Variants in TTC12 observed in about 807,000 individuals in gnomAD.
TTC12 encodes the protein tetratricopeptide repeat protein 12.
A neutral mutation model predicts 90.1 loss-of-function variants in TTC12; 70 were observed. The observed-to-expected ratio is 0.78, with a 90% CI of 0.64 to 0.95. The LOEUF is 0.95. TTC12 is among the 40% of genes least tolerant of loss of function. The pLI is 0.00. For synonymous variants in TTC12, 296 were observed against 311.5 expected (o/e 0.95, Z 0.53); for missense variants, 819 against 846.1 (o/e 0.97, Z 0.40).
chr11:113,321,794 A>T (rs953779970), intron 2 of TTC12, among the ~76,000 whole-genome samples: 8 of 152,180 alleles, frequency 5.3e-5, no homozygotes, highest in Non-Finnish European at 1.0e-4. Flanking sequence ...AGTAAGACAC[A>T]CTTACCCGGG....
downstream of TTC12, among the ~76,000 whole-genome samples, chr11:113,369,426 C>G (rs1950321436): frequency 6.7e-6 from 1 of 149,346 alleles, no homozygotes; most frequent in Non-Finnish European, 1.5e-5. Flanking sequence ...CGCCCCCCCA[C>G]CCCCCGTGCA....
Position 113,349,719 on chromosome 11 carries a change from A to G in TTC12, c.1155-354A>G, listed in dbSNP as rs115194441. Among the ~76,000 whole-genome samples the G allele has an allele frequency of 3.4e-3, 522 of 152,316 alleles. 4 individuals carry two copies. Among genetic ancestry groups the G allele is most frequent in the African/African-American group, 0.012 (488 of 41,576 alleles). Reference sequence around the variant, plus strand: ...GGGCCCTCCCACTTTAGTCATCAGCAGATTAGTAAGCATGCCATTTAGATG... The same window carrying G: ...GGGCCCTCCCACTTTAGTCATCAGCGGATTAGTAAGCATGCCATTTAGATG... On this transcript the variant is annotated intron_variant, in intron 13 of 21. Coordinates refer to ENST00000529221, the MANE Select transcript of TTC12 (RefSeq NM_017868.4).
chr11:113,331,056 T>C, intron 7 of TTC12, among the ~76,000 whole-genome samples: 1 of 152,148 alleles, frequency 6.6e-6, no homozygotes, highest in South Asian at 2.1e-4. Flanking sequence ...GAAACAGAGA[T>C]GAATGAGAAA....
At chr11:113,340,210 A>G (rs996052109) in intron 10 of TTC12, among the ~76,000 whole-genome samples, 1 of 152,234 alleles carries the variant, frequency 6.6e-6, no homozygotes, top group African/African-American at 2.4e-5. Flanking sequence ...GGAGTGTCTG[A>G]CTTCTCTTTA....
chr11:113,335,988 G>A (rs1948350683), intron 8 of TTC12, among the ~76,000 whole-genome samples: 1 of 152,048 alleles, frequency 6.6e-6, no homozygotes, highest in Non-Finnish European at 1.5e-5. Flanking sequence ...ACCTTTTGAG[G>A]AACTACCAAA....
intron 2 of TTC12, 133 bp downstream of exon 2, chr11:113,316,448 G>T: frequency 2.3e-6 from 1 of 431,394 alleles, no homozygotes. Flanking sequence ...TTAAAGAGAA[G>T]GGTATTGAGA....
chr11:113,319,904 G>A (rs1012436985), intron 2 of TTC12, among the ~76,000 whole-genome samples: 5 of 152,008 alleles, frequency 3.3e-5, no homozygotes, highest in African/African-American at 1.2e-4. Flanking sequence ...AACTCTAGGT[G>A]AATTACATAC....
At chr11:113,326,064 C>T (rs970597436) in intron 6 of TTC12, among the ~76,000 whole-genome samples, 4 of 152,146 alleles carry the variant, frequency 2.6e-5, no homozygotes, top group South Asian at 4.1e-4. Context: ...TAGCGGATGC[C>T]CACCTGTTAG....
At chr11:113,333,007 C>A (rs1948150127) in intron 7 of TTC12, among the ~76,000 whole-genome samples, 1 of 152,148 alleles carries the variant, frequency 6.6e-6, no homozygotes, top group Non-Finnish European at 1.5e-5. Flanking sequence ...CAGATATTAG[C>A]CCTTGTTCTA....
rs782753736 is a variant in TTC12 at position 113,344,446 on chromosome 11, C to T, written c.1154+6C>T. On this transcript the variant is annotated splice_donor_region_variant and intron_variant, in intron 13 of 21. Transcript: ENST00000529221. ...AACCACCTTGACCTGACCAGGTAAGCCTCTGCTGGCAGGATCTTCCTGGGA... is the reference window on the plus strand; with the variant it reads ...AACCACCTTGACCTGACCAGGTAAGTCTCTGCTGGCAGGATCTTCCTGGGA... 1.9e-6 allele frequency: 3 copies of T among 1,609,706 alleles called. No homozygotes were observed. Among genetic ancestry groups the T allele is most frequent in the Admixed American group, 3.4e-5 (2 of 59,646 alleles).
At chr11:113,346,815 A>G (rs1555148306) in intron 13 of TTC12, among the ~76,000 whole-genome samples, 1 of 152,116 alleles carries the variant, frequency 6.6e-6, no homozygotes, top group African/African-American at 2.4e-5. Flanking sequence ...TAAGGGCTCA[A>G]TAATATTTTT....
chr11:113,359,012 G>A (rs1348515050), intron 16 of TTC12, among the ~76,000 whole-genome samples: 2 of 151,808 alleles, frequency 1.3e-5, no homozygotes, highest in African/African-American at 4.8e-5. Flanking sequence ...GTCCCTCAGT[G>A]GGAGCTGTTC....
At chr11:113,368,168 ATTATG>A (rs1565637002), downstream of TTC12, 1 of 1,396,434 alleles carries the variant, frequency 7.2e-7, no homozygotes, top group Non-Finnish European at 9.4e-7. Flanking sequence ...AAATTACGTT[ATTATG>A]TTTATTGTTC....
At chr11:113,345,749 T>C (rs782426799) in intron 13 of TTC12, among the ~76,000 whole-genome samples, 6 of 152,208 alleles carry the variant, frequency 3.9e-5, no homozygotes, top group Admixed American at 6.5e-5. Context: ...TCTGCAGTCA[T>C]TTCCTCGATA....
downstream of TTC12, chr11:113,368,537 G>A (rs1411609873): frequency 6.5e-7 from 1 of 1,527,010 alleles, no homozygotes; most frequent in South Asian, 1.2e-5. Context: ...GGCCGGGATG[G>A]AACTCCATCA....
At chr11:113,316,921 GAAAC>G (rs781957285) in intron 2 of TTC12, among the ~76,000 whole-genome samples, 26 of 152,312 alleles carry the variant, frequency 1.7e-4, no homozygotes, top group African/African-American at 4.8e-4. Context: ...CTTGAGTATA[GAAAC>G]AAACAAACCA....
chr11:113,325,627 G>A lies in TTC12; in HGVS notation c.426G>A (p.Leu142=), dbSNP rs782339898. ...AGAAGCTGAAGGACATGAAAGTGCT[G>A]TACACCAACCGAGCCCAGGTCAGTG... ...GLEKLKDMKV[L]YTNRAQAYMK... Residue 142 remains leucine (L), a synonymous_variant, in exon 6 of 22, where the codon CTG becomes CTA. Transcript: ENST00000529221. The A allele has an allele frequency of 3.7e-6, 6 of 1,613,946 alleles. No homozygotes were observed. The highest frequency in any genetic ancestry group is 2.2e-5 in the South Asian group (2 of 91,072).
At chr11:113,341,977 C>G (rs782727253) in intron 12 of TTC12, 52 bp downstream of exon 12, 2 of 1,493,796 alleles carry the variant, frequency 1.3e-6, no homozygotes, top group African/African-American at 2.8e-5. Flanking sequence ...CGTGCAGGAA[C>G]TACGCTGTTG....
chr11:113,345,342 C>T (rs1219434052), intron 13 of TTC12, among the ~76,000 whole-genome samples: 2 of 152,158 alleles, frequency 1.3e-5, no homozygotes, highest in Non-Finnish European at 2.9e-5. Context: ...GCTTTATTAC[C>T]TCATGTCACT....
Sources: gnomAD v4.1 joint callset for allele counts (sites outside exome capture counted in the v4.1 genomes callset) on GRCh38, gnomAD v4.1.1 for gene constraint, MANE v1.5 for transcripts, NCBI Gene and HGNC (gene_info 2026-07-23, HGNC 2026-07-21) for gene names.